Variants in SHISA9 observed in about 807,000 individuals in gnomAD.
SHISA9 encodes protein shisa-9.
A neutral mutation model predicts 38.0 loss-of-function variants in SHISA9; 13 were observed. That is an observed-to-expected ratio of 0.34 (90% CI 0.22 to 0.54). SHISA9 has a LOEUF of 0.54. Among genes scored for constraint, SHISA9 ranks in the 20% least tolerant of loss-of-function variants. SHISA9 has a pLI of 0.91. For synonymous variants in SHISA9, 275 were observed against 242.0 expected (o/e 1.14, Z -1.27); for missense variants, 538 against 575.8 (o/e 0.93, Z 0.67).
chr16:13,303,109 C>T, the SHISA9 span, among the ~76,000 whole-genome samples: 2 of 151,890 alleles, frequency 1.3e-5, no homozygotes, highest in African/African-American at 4.8e-5. Flanking sequence ...TGTTTTTTGC[C>T]CAAGAAGCCT....
intron 2 of SHISA9, among the ~76,000 whole-genome samples, chr16:13,066,208 A>G (rs1243855598): frequency 6.6e-6 from 1 of 152,184 alleles, no homozygotes; most frequent in African/African-American, 2.4e-5. Context: ...TCCCTGCGTG[A>G]CTACAGTGGA....
intron 2 of SHISA9, among the ~76,000 whole-genome samples, chr16:12,956,674 G>C (rs186873495): frequency 1.3e-5 from 2 of 152,226 alleles, no homozygotes; most frequent in African/African-American, 4.8e-5. Flanking sequence ...GTAAACAATG[G>C]GTAGACATGG....
intron 2 of SHISA9, among the ~76,000 whole-genome samples, chr16:13,080,453 T>C (rs1341194647): frequency 6.6e-6 from 1 of 152,222 alleles, no homozygotes; most frequent in African/African-American, 2.4e-5. Flanking sequence ...ATTTAAGATG[T>C]AAAGTCCCAA....
the SHISA9 span, among the ~76,000 whole-genome samples, chr16:13,413,350 A>G: frequency 2.2e-4 from 33 of 152,284 alleles, no homozygotes; most frequent in African/African-American, 7.5e-4. Flanking sequence ...AGATGGGGCT[A>G]TTTATGAAGC....
At chr16:12,992,362 T>TAAA (rs34729407) in intron 2 of SHISA9, among the ~76,000 whole-genome samples, 2,337 of 113,622 alleles carry the variant, frequency 0.021, 71 homozygotes, top group African/African-American at 0.074. Context: ...CCATCTCTAC[T>TAAA]AAAAAAAAAA....
the SHISA9 span, among the ~76,000 whole-genome samples, chr16:13,537,912 G>A: frequency 6.6e-6 from 1 of 152,132 alleles, no homozygotes; most frequent in East Asian, 1.9e-4. Flanking sequence ...TGTACCTATA[G>A]TAAATTATCT....
chr16:13,378,512 G>T, the SHISA9 span, among the ~76,000 whole-genome samples: 1 of 152,040 alleles, frequency 6.6e-6, no homozygotes, highest in Non-Finnish European at 1.5e-5. Context: ...AAGATGCCGT[G>T]GTCTACTTGA....
chr16:13,553,864 C>T, the SHISA9 span, among the ~76,000 whole-genome samples: 1 of 152,160 alleles, frequency 6.6e-6, no homozygotes, highest in African/African-American at 2.4e-5. Context: ...AATCTTCCAA[C>T]TGGGGAGGCC....
At chr16:13,292,503 T>G in the SHISA9 span, among the ~76,000 whole-genome samples, 1 of 152,168 alleles carries the variant, frequency 6.6e-6, no homozygotes, top group African/African-American at 2.4e-5. Flanking sequence ...AGCATTTTTG[T>G]TTTTCATCTT....
chr16:13,433,710 A>C, the SHISA9 span, among the ~76,000 whole-genome samples: 1 of 152,232 alleles, frequency 6.6e-6, no homozygotes, highest in Admixed American at 6.5e-5. Flanking sequence ...AACTCTGGGA[A>C]TGCAAGGGGA....
intron 2 of SHISA9, among the ~76,000 whole-genome samples, chr16:13,074,763 C>T (rs185328573): frequency 2.7e-5 from 4 of 150,696 alleles, no homozygotes; most frequent in Admixed American, 6.6e-5. Flanking sequence ...CTCCCAGGTT[C>T]GATAGATTCT....
At position 13,222,514 on chromosome 16, in the gene SHISA9, C is replaced by T. The variant is rs547110748; in HGVS notation, c.895+9214C>T. On this transcript the variant is annotated intron_variant, in intron 4 of 4. Coordinates refer to ENST00000558583, the MANE Select transcript of SHISA9 (RefSeq NM_001145204.3). ...GGTAAAGCAGAAATAGGACACATCA[C>T]TTTTGCTATTATTTCACTGGTGCGA... Among the ~76,000 whole-genome samples, 3 of 152,254 alleles carry T rather than the reference C, an allele frequency of 2.0e-5. No homozygotes were observed. The South Asian group carries it at 6.2e-4, about 32-fold the overall frequency.
the SHISA9 span, among the ~76,000 whole-genome samples, chr16:13,324,187 C>T: frequency 2.0e-5 from 3 of 152,202 alleles, no homozygotes; most frequent in African/African-American, 7.2e-5. Context: ...AACTGTAAGG[C>T]AAAATAAACC....
the SHISA9 span, among the ~76,000 whole-genome samples, chr16:13,515,143 A>G: frequency 1.8e-4 from 28 of 152,314 alleles, no homozygotes; most frequent in South Asian, 5.8e-3. Flanking sequence ...GATATGGGAA[A>G]TGTCTGCACC....
Position 12,902,039 on chromosome 16 carries a change from C to A in SHISA9, c.-26C>A. The A allele has an allele frequency of 3.5e-6, 5 of 1,433,346 alleles. No homozygotes were observed. Among genetic ancestry groups the A allele is most frequent in the Non-Finnish European group, 4.5e-6 (5 of 1,100,280 alleles). The allele number at this position is 1,433,346 out of a possible 1,614,324, so 88.8% of individuals were successfully genotyped here. On this transcript the variant is annotated 5_prime_UTR_variant, in exon 1 of 5. Coordinates refer to ENST00000558583, the MANE Select transcript of SHISA9 (RefSeq NM_001145204.3). ...CGCAGAGGCTCCAGCGGCGGCCGAG[C>A]GGCCGAGCCCGGGCTGGGAGACACC...
chr16:13,400,508 G>T, the SHISA9 span, among the ~76,000 whole-genome samples: 1 of 152,102 alleles, frequency 6.6e-6, no homozygotes, highest in Non-Finnish European at 1.5e-5. Context: ...TTTTGCAGAA[G>T]ACCAAGTGTC....
At chr16:13,499,013 G>A in the SHISA9 span, among the ~76,000 whole-genome samples, 10 of 152,144 alleles carry the variant, frequency 6.6e-5, no homozygotes, top group East Asian at 1.7e-3. Flanking sequence ...AAGGTGAGAG[G>A]TCTGCCCCTG....
chr16:13,270,954 A>T, the SHISA9 span, among the ~76,000 whole-genome samples: 1 of 152,146 alleles, frequency 6.6e-6, no homozygotes, highest in East Asian at 1.9e-4. Context: ...CTAGAGAGGG[A>T]GTTAGCTCTA....
At chr16:13,037,088 C>CACA (rs1491198364) in intron 2 of SHISA9, among the ~76,000 whole-genome samples, 2 of 129,656 alleles carry the variant, frequency 1.5e-5, no homozygotes, top group African/African-American at 3.1e-5. Flanking sequence ...ACACACCACA[C>CACA]CACACACACA....
Sources: gnomAD v4.1 joint callset for allele counts (sites outside exome capture counted in the v4.1 genomes callset) on GRCh38, gnomAD v4.1.1 for gene constraint, MANE v1.5 for transcripts, NCBI Gene and HGNC (gene_info 2026-07-23, HGNC 2026-07-21) for gene names.